CSNK1G1: variants seen among roughly 807,000 people sequenced by gnomAD.
CSNK1G1 encodes casein kinase I isoform gamma-1.
Under a neutral mutation model 59.6 loss-of-function variants are expected in CSNK1G1, and 22 were observed. The observed-to-expected ratio is 0.37, with a 90% CI of 0.26 to 0.53. The LOEUF (loss-of-function observed/expected upper bound fraction) is 0.53, where lower values mean the gene tolerates loss of function less well. Among genes scored for constraint, CSNK1G1 ranks in the 20% least tolerant of loss-of-function variants. The pLI is 0.89. For synonymous variants in CSNK1G1, 179 were observed against 177.1 expected, an observed-to-expected ratio of 1.01 and a Z score of -0.08; for missense variants, 384 against 519.5, an observed-to-expected ratio of 0.74 and a Z score of 2.54.
At chr15:64,300,039 C>G (rs1162653844) in intron 2 of CSNK1G1, among the ~76,000 whole-genome samples, 1 of 152,212 alleles carries the variant, frequency 6.6e-6, no homozygotes, top group South Asian at 2.1e-4. Context: ...AAATCAGAGT[C>G]TGCATTTTAC....
chr15:64,287,080 C>G (rs1465404191), intron 2 of CSNK1G1, among the ~76,000 whole-genome samples: 1 of 151,910 alleles, frequency 6.6e-6, no homozygotes, highest in Non-Finnish European at 1.5e-5. Flanking sequence ...TGTGGTATTT[C>G]AACTATACAT....
chr15:64,222,685 A>C (rs936097634), intron 4 of CSNK1G1, among the ~76,000 whole-genome samples: 5 of 151,840 alleles, frequency 3.3e-5, no homozygotes, highest in Non-Finnish European at 2.9e-5. Context: ...AAAAAAAAAA[A>C]AAACCCAAAA....
intron 1 of CSNK1G1, among the ~76,000 whole-genome samples, chr15:64,338,132 G>A (rs1897486625): frequency 2.0e-5 from 3 of 152,084 alleles, no homozygotes; most frequent in Non-Finnish European, 4.4e-5. Context: ...GAGGACTGCT[G>A]GGTCTATATG....
rs1215637903 is a variant in CSNK1G1 at position 64,169,206 on chromosome 15, C to T, written c.*2725G>A. The stretch of plus-strand genomic sequence containing the variant: ...TAGAGTATAGAGTGCCAGGATGCTC[C>T]AGGCATTCCCACCATTTCCCTCTGC... On this transcript the variant is annotated 3_prime_UTR_variant, in exon 12 of 12. Coordinates refer to ENST00000303052, the MANE Select transcript of CSNK1G1 (RefSeq NM_022048.5). 1 of 151,702 alleles carries T rather than the reference C, an allele frequency of 6.6e-6. No individual in the cohort carries two copies. The highest frequency in any genetic ancestry group is 1.5e-5 in the Non-Finnish European group (1 of 68,068). The allele number at this position is 151,702 out of a possible 1,614,324, so 9.4% of individuals were successfully genotyped here.
intron 2 of CSNK1G1, among the ~76,000 whole-genome samples, chr15:64,273,270 A>G (rs1893426886): frequency 6.6e-6 from 1 of 152,194 alleles, no homozygotes; most frequent in South Asian, 2.1e-4. Flanking sequence ...CCCCATAAGC[A>G]TGTACAATTA....
intron 2 of CSNK1G1, among the ~76,000 whole-genome samples, chr15:64,284,970 ATATTT>A (rs1894332800): frequency 6.6e-6 from 1 of 152,216 alleles, no homozygotes; most frequent in African/African-American, 2.4e-5. Context: ...CTCAATACAA[ATATTT>A]TAGAGTAGAA....
At chr15:64,355,932 C>T (rs2078060422) in intron 1 of CSNK1G1, 56 bp downstream of exon 1, 2 of 149,926 alleles carry the variant, frequency 1.3e-5, no homozygotes, top group Non-Finnish European at 2.9e-5. Flanking sequence ...CCCTCAGACA[C>T]ACACACACCC....
intron 1 of CSNK1G1, among the ~76,000 whole-genome samples, chr15:64,330,475 AC>A (rs1157545344): frequency 5.6e-5 from 8 of 143,498 alleles, no homozygotes; most frequent in Admixed American, 3.5e-4. Context: ...AAATTCAACA[AC>A]CCTTCATGCT....
intron 6 of CSNK1G1, among the ~76,000 whole-genome samples, 200 bp downstream of exon 6, chr15:64,213,690 G>T (rs192884866): frequency 3.9e-4 from 59 of 152,252 alleles, no homozygotes; most frequent in African/African-American, 1.2e-3. Flanking sequence ...ACAGTGTAAA[G>T]AATTAAGAAC....
intron 2 of CSNK1G1, among the ~76,000 whole-genome samples, chr15:64,292,425 T>C (rs1396919747): frequency 6.6e-6 from 1 of 152,210 alleles, no homozygotes; most frequent in African/African-American, 2.4e-5. Context: ...GTTAATGCAT[T>C]TTTGCATATT....
chr15:64,182,242 GTT>G (rs1567358879), intron 10 of CSNK1G1, among the ~76,000 whole-genome samples: 2 of 151,318 alleles, frequency 1.3e-5, no homozygotes, highest in African/African-American at 4.9e-5. Context: ...TGTTTGTTTT[GTT>G]TTGTTTTTAG....
chr15:64,230,724 C>G (rs535101690), intron 4 of CSNK1G1, among the ~76,000 whole-genome samples: 35 of 152,214 alleles, frequency 2.3e-4, no homozygotes, highest in Admixed American at 8.5e-4. Flanking sequence ...TGTAATCCCA[C>G]CACTTTGGGA....
chr15:64,305,773 A>C (rs548665356), intron 1 of CSNK1G1, among the ~76,000 whole-genome samples: 62 of 3,576 alleles, frequency 0.017, no homozygotes, highest in African/African-American at 0.018. Flanking sequence ...GTGATATTGC[A>C]AAAAAAAAAA....
chr15:64,279,622 T>C (rs979939776), intron 2 of CSNK1G1, among the ~76,000 whole-genome samples: 2 of 152,182 alleles, frequency 1.3e-5, no homozygotes, highest in African/African-American at 2.4e-5. Flanking sequence ...CACATATATA[T>C]GCATTTTCTT....
chr15:64,351,343 C>T (rs775912157), intron 1 of CSNK1G1, among the ~76,000 whole-genome samples: 2 of 152,098 alleles, frequency 1.3e-5, no homozygotes, highest in African/African-American at 2.4e-5. Context: ...ATAAACCTTC[C>T]CAATCTTTCC....
chr15:64,234,401 G>T (rs1277580556), intron 4 of CSNK1G1, among the ~76,000 whole-genome samples: 3 of 152,168 alleles, frequency 2.0e-5, no homozygotes, highest in African/African-American at 7.2e-5. Context: ...GGCAGATGTT[G>T]CTTTAAACCT....
chr15:64,201,860 G>T (rs1347750696), intron 10 of CSNK1G1, among the ~76,000 whole-genome samples: 1 of 151,818 alleles, frequency 6.6e-6, no homozygotes, highest in Non-Finnish European at 1.5e-5. Flanking sequence ...CATAAGGAGA[G>T]GAAATAAGCT....
intron 2 of CSNK1G1, among the ~76,000 whole-genome samples, chr15:64,268,027 A>T (rs1893077428): frequency 6.6e-6 from 1 of 152,170 alleles, no homozygotes; most frequent in East Asian, 1.9e-4. Context: ...TATGCCAAAA[A>T]GATATCTGCA....
Position 64,216,539 on chromosome 15 carries a change from C to T in CSNK1G1, c.444+23G>A. On this transcript the variant is annotated intron_variant, in intron 5 of 11. Coordinates refer to ENST00000303052, the MANE Select transcript of CSNK1G1 (RefSeq NM_022048.5). This position sits in a 1 kb window ranked among gnomAD's most constrained non-coding sequence, Gnocchi z 4.6. ...GGCTGAGGAACCAGCTTATTCTCTT[C>T]TAGAAGAGCAATTCCAACTTACCAG... 1 of 1,612,522 alleles carries T rather than the reference C, an allele frequency of 6.2e-7. No homozygotes were observed. The highest frequency in any genetic ancestry group is 1.3e-5 in the African/African-American group (1 of 74,982).
Sources: gnomAD v4.1 joint callset for allele counts (sites outside exome capture counted in the v4.1 genomes callset) on GRCh38, gnomAD v4.1.1 for gene constraint, Gnocchi (gnomAD v3.1) non-coding constraint, MANE v1.5 for transcripts, NCBI Gene and HGNC (gene_info 2026-07-23, HGNC 2026-07-21) for gene names.